Variants in PAPPA2 observed in about 807,000 individuals in gnomAD.
PAPPA2 encodes the protein pappalysin-2.
A neutral mutation model predicts 176.4 loss-of-function variants in PAPPA2; 86 were observed. The observed-to-expected ratio is 0.49, with a 90% CI of 0.41 to 0.58. The LOEUF (loss-of-function observed/expected upper bound fraction) is 0.58. Ranked by LOEUF, PAPPA2 falls within the 20% of genes least tolerant of loss-of-function variation. The pLI, the probability that PAPPA2 is intolerant of heterozygous loss-of-function variation, is 0.00. For synonymous variants in PAPPA2, 809 were observed against 852.2 expected (o/e 0.95, Z 0.88); for missense variants, 2,073 against 2,256.9 (o/e 0.92, Z 1.65).
chr1:176,767,440 C>G (rs1007402828), intron 15 of PAPPA2, among the ~76,000 whole-genome samples: 1 of 152,160 alleles, frequency 6.6e-6, no homozygotes, highest in African/African-American at 2.4e-5. Flanking sequence ...CTCCACCTCC[C>G]GGGTTCAAGC....
chr1:176,640,359 C>T (rs1431031656), intron 3 of PAPPA2, among the ~76,000 whole-genome samples: 1 of 113,234 alleles, frequency 8.8e-6, no homozygotes, highest in Non-Finnish European at 1.7e-5. Flanking sequence ...CACCCCACAA[C>T]AGTCCCCAGA....
rs561021160 is a variant in PAPPA2, at chr1:176,706,267, T to C, written c.3366-92T>C. 7.8e-6 allele frequency: 9 copies of C among 1,149,834 alleles called. No homozygotes were observed. In the East Asian group the frequency reaches 1.5e-4, roughly 19 times the overall value. 71.2% of individuals were successfully genotyped at this position (1,149,834 alleles called of 1,614,324 possible). A position where few individuals can be genotyped will look rare whatever the true frequency, so the allele number is the denominator to read the frequency against. ...TTTCCAACTTGCACTTTTTAATATA[T>C]ACTGAGAAATTGTAAGAATTTTAAA... On this transcript the variant is annotated intron_variant, in intron 9 of 22. Coordinates refer to ENST00000367662, the MANE Select transcript of PAPPA2 (RefSeq NM_020318.3).
At chr1:176,547,809 G>T (rs1310120139) in intron 1 of PAPPA2, among the ~76,000 whole-genome samples, 1 of 152,144 alleles carries the variant, frequency 6.6e-6, no homozygotes, top group Non-Finnish European at 1.5e-5. Context: ...CCCCTGGGAG[G>T]TGATATCATT....
intron 3 of PAPPA2, among the ~76,000 whole-genome samples, chr1:176,615,506 T>G (rs1338432987): frequency 3.3e-5 from 5 of 152,110 alleles, no homozygotes; most frequent in Non-Finnish European, 1.5e-5. Flanking sequence ...TTTTTGTATT[T>G]TTAGTAGGGA....
intron 21 of PAPPA2, among the ~76,000 whole-genome samples, chr1:176,824,648 C>T (rs1434746805): frequency 1.3e-5 from 2 of 152,086 alleles, no homozygotes; most frequent in African/African-American, 4.8e-5. Context: ...GTTTGCCTGC[C>T]GGTTTGGAAG....
intron 2 of PAPPA2, among the ~76,000 whole-genome samples, chr1:176,589,731 A>G (rs1653538216): frequency 6.6e-6 from 1 of 152,218 alleles, no homozygotes; most frequent in African/African-American, 2.4e-5. Context: ...CAACAGTTAT[A>G]ACATGTTTGT....
chr1:176,646,126 G>A (rs887611399), intron 3 of PAPPA2, among the ~76,000 whole-genome samples: 4 of 151,382 alleles, frequency 2.6e-5, no homozygotes, highest in African/African-American at 9.7e-5. Context: ...TGCTTTGGTT[G>A]CCTGTGATTT....
At chr1:176,505,386 T>C (rs1427133973) in intron 1 of PAPPA2, among the ~76,000 whole-genome samples, 1 of 151,994 alleles carries the variant, frequency 6.6e-6, no homozygotes, top group Non-Finnish European at 1.5e-5. Context: ...CTAAAACAAC[T>C]GAACAAAGTA....
At chr1:176,828,088 C>T (rs1035901438) in intron 21 of PAPPA2, among the ~76,000 whole-genome samples, 2 of 152,202 alleles carry the variant, frequency 1.3e-5, no homozygotes, top group South Asian at 4.1e-4. Context: ...CTGGAGGCAG[C>T]ATGAGCATAT....
chr1:176,580,693 T>C (rs1652912158), intron 2 of PAPPA2, among the ~76,000 whole-genome samples: 1 of 152,146 alleles, frequency 6.6e-6, no homozygotes, highest in African/African-American at 2.4e-5. Context: ...TAAAATGATA[T>C]CTTATTGTGA....
chr1:176,793,234 G>T lies in PAPPA2; in HGVS notation c.5021-326G>T, dbSNP rs141576237. Among the ~76,000 whole-genome samples the T allele has an allele frequency of 2.8e-3, 429 of 152,224 alleles. 2 individuals are homozygous for T. Among genetic ancestry groups the T allele is most frequent in the Non-Finnish European group, 4.6e-3 (316 of 68,006 alleles). On this transcript the variant is annotated intron_variant, in intron 19 of 22. Transcript: ENST00000367662. Reference sequence around the variant, plus strand: ...TAGAGTCCTGGAGGGGATCTTGGAGGCCAGCTGGGCCAAGAGTTAATCTTT... The same window carrying T: ...TAGAGTCCTGGAGGGGATCTTGGAGTCCAGCTGGGCCAAGAGTTAATCTTT...
At chr1:176,741,431 G>C (rs943185460) in intron 14 of PAPPA2, among the ~76,000 whole-genome samples, 6 of 152,176 alleles carry the variant, frequency 3.9e-5, no homozygotes, top group Non-Finnish European at 4.4e-5. Flanking sequence ...TTTGTGACAT[G>C]GCAGCCAGTG....
intron 3 of PAPPA2, among the ~76,000 whole-genome samples, chr1:176,606,593 T>A (rs1318069110): frequency 6.6e-6 from 1 of 152,164 alleles, no homozygotes; most frequent in African/African-American, 2.4e-5. Flanking sequence ...GCCTCCCGAG[T>A]GGCTGGGACT....
chr1:176,751,146 G>A (rs947097716), intron 14 of PAPPA2, among the ~76,000 whole-genome samples: 2 of 151,750 alleles, frequency 1.3e-5, no homozygotes, highest in African/African-American at 4.8e-5. Flanking sequence ...AGATCAGGTA[G>A]TTGTAGATAT....
At chr1:176,780,952 A>G (rs1333381457) in intron 17 of PAPPA2, among the ~76,000 whole-genome samples, 1 of 152,188 alleles carries the variant, frequency 6.6e-6, no homozygotes, top group Non-Finnish European at 1.5e-5. Context: ...TTGTGTTTAA[A>G]TCACATGAAA....
At chr1:176,688,449 T>C (rs1165135719) in intron 4 of PAPPA2, among the ~76,000 whole-genome samples, 3 of 152,212 alleles carry the variant, frequency 2.0e-5, no homozygotes, top group African/African-American at 7.2e-5. Flanking sequence ...TTTATTCAAA[T>C]AACAGGCACT....
chr1:176,656,115 G>A (rs577193366), intron 3 of PAPPA2, among the ~76,000 whole-genome samples: 43 of 151,632 alleles, frequency 2.8e-4, no homozygotes, highest in African/African-American at 1.0e-3. Context: ...CTGGTTCCCT[G>A]AGCACAGGTC....
At chr1:176,628,773 A>G (rs1281470765) in intron 3 of PAPPA2, among the ~76,000 whole-genome samples, 1 of 152,226 alleles carries the variant, frequency 6.6e-6, no homozygotes, top group African/African-American at 2.4e-5. Flanking sequence ...TTTGGAATTG[A>G]AACTGTCTCT....
chr1:176,570,625 C>T (rs994635264), intron 2 of PAPPA2, among the ~76,000 whole-genome samples: 2 of 151,428 alleles, frequency 1.3e-5, no homozygotes, highest in Admixed American at 1.3e-4. Context: ...GGCAATGCTC[C>T]CTCCTGGGTG....
Sources: gnomAD v4.1 joint callset for allele counts (sites outside exome capture counted in the v4.1 genomes callset) on GRCh38, gnomAD v4.1.1 for gene constraint, MANE v1.5 for transcripts, NCBI Gene and HGNC (gene_info 2026-07-23, HGNC 2026-07-21) for gene names.